The following PHF21B variants were observed in gnomAD, a reference collection of about 807,000 sequenced individuals.
PHF21B encodes PHD finger protein 4.
PHF21B carries 22 observed loss-of-function variants against 62.2 expected under a neutral mutation model. The ratio of observed to expected loss-of-function variants is 0.35; its 90% CI spans 0.25 to 0.51. PHF21B has a LOEUF of 0.51. Ranked by LOEUF, PHF21B falls within the 20% of genes least tolerant of loss-of-function variation. PHF21B has a pLI of 0.97. For synonymous variants in PHF21B, 341 were observed against 314.7 expected (o/e 1.08, Z -0.88); for missense variants, 701 against 707.9 (o/e 0.99, Z 0.11).
chr22:44,991,620 A>G (rs1163550454), intron 2 of PHF21B, among the ~76,000 whole-genome samples: 1 of 152,178 alleles, frequency 6.6e-6, no homozygotes, highest in African/African-American at 2.4e-5. Flanking sequence ...ATGGAGGGGC[A>G]GTCCCTTACA....
intron 2 of PHF21B, among the ~76,000 whole-genome samples, chr22:44,999,232 C>T (rs192910574): frequency 1.2e-4 from 18 of 152,190 alleles, no homozygotes; most frequent in African/African-American, 4.1e-4. Flanking sequence ...AAAGCATATT[C>T]GTTCCTTCAG....
chr22:44,961,321 T>C lies in PHF21B; in HGVS notation c.121-40831A>G, dbSNP rs558828590. ...GGTACAGGTGCAGGTTACATAGGTA[T>C]ACTTCGTGATGCTCAGATATGGGGT... On this transcript the variant is annotated intron_variant, in intron 2 of 12. Transcript: ENST00000313237. Among the ~76,000 whole-genome samples the C allele has an allele frequency of 1.2e-3, 189 of 152,216 alleles. 1 individual carries two copies. The highest frequency in any genetic ancestry group is 4.1e-3 in the South Asian group (20 of 4,822).
chr22:44,932,104 G>A (rs1229807830), intron 2 of PHF21B, among the ~76,000 whole-genome samples: 1 of 152,240 alleles, frequency 6.6e-6, no homozygotes, highest in Non-Finnish European at 1.5e-5. Context: ...GGCAGAGGCT[G>A]GAGGCCTCGA....
intron 2 of PHF21B, among the ~76,000 whole-genome samples, chr22:44,934,357 T>C (rs1250132840): frequency 2.0e-5 from 3 of 152,172 alleles, no homozygotes; most frequent in Non-Finnish European, 4.4e-5. Context: ...AGAGGAGCGA[T>C]GACATCATCA....
At chr22:44,938,152 G>T (rs891019039) in intron 2 of PHF21B, among the ~76,000 whole-genome samples, 2 of 152,236 alleles carry the variant, frequency 1.3e-5, no homozygotes, top group Non-Finnish European at 2.9e-5. Flanking sequence ...TCGGCTCACT[G>T]CAACCTCCAC....
chr22:44,887,449 CG>C (rs1334011885), intron 10 of PHF21B, among the ~76,000 whole-genome samples: 1 of 152,134 alleles, frequency 6.6e-6, no homozygotes, highest in Non-Finnish European at 1.5e-5. Context: ...TGGATGCTGG[CG>C]GAATATCTCA....
intron 5 of PHF21B, among the ~76,000 whole-genome samples, chr22:44,911,657 G>C (rs1448108214): frequency 6.6e-6 from 1 of 152,240 alleles, no homozygotes; most frequent in Non-Finnish European, 1.5e-5. Context: ...GATTTCACAA[G>C]ATGTATGGAA....
At chr22:44,934,350 G>A (rs2147347340) in intron 2 of PHF21B, among the ~76,000 whole-genome samples, 1 of 152,328 alleles carries the variant, frequency 6.6e-6, no homozygotes, top group African/African-American at 2.4e-5. Context: ...GGCACATAGA[G>A]GAGCGATGAC....
intron 10 of PHF21B, among the ~76,000 whole-genome samples, chr22:44,886,926 G>A (rs1009501535): frequency 4.6e-5 from 7 of 152,046 alleles, no homozygotes; most frequent in Non-Finnish European, 5.9e-5. Context: ...AGGTCAAGGC[G>A]GACAGATCAC....
At chr22:44,987,765 CCTCTCTCT>C (rs67730231) in intron 2 of PHF21B, among the ~76,000 whole-genome samples, 3,932 of 146,802 alleles carry the variant, frequency 0.027, 64 homozygotes, top group Non-Finnish European at 0.044. Context: ...TCTCTCGTCT[CCTCTCTCT>C]CTCTCTCTCT....
chr22:44,969,373 A>C (rs1278127231), intron 2 of PHF21B, among the ~76,000 whole-genome samples: 2 of 152,252 alleles, frequency 1.3e-5, no homozygotes, highest in African/African-American at 4.8e-5. Flanking sequence ...CTGCAACTGA[A>C]AAATGGAGCC....
chr22:44,953,240 A>C (rs747975391), intron 2 of PHF21B, among the ~76,000 whole-genome samples: 3 of 152,216 alleles, frequency 2.0e-5, no homozygotes, highest in Non-Finnish European at 4.4e-5. Context: ...GGCAGGATGC[A>C]CTAGCGAGTT....
rs571182858 is a variant in PHF21B at position 44,974,849 on chromosome 22, G to A, written c.120+33696C>T. Among the ~76,000 whole-genome samples the A allele has an allele frequency of 3.3e-4, 51 of 152,320 alleles. 1 individual carries two copies. The highest frequency in any genetic ancestry group is 1.5e-3 in the East Asian group (8 of 5,180). On this transcript the variant is annotated intron_variant, in intron 2 of 12. Transcript: ENST00000313237. ...CAACCAATTTGTTTCAATGAATAGCGTAATATTCTCTGTTATTGAAAATTC... is the reference window on the plus strand; with the variant it reads ...CAACCAATTTGTTTCAATGAATAGCATAATATTCTCTGTTATTGAAAATTC...
chr22:44,959,099 G>T (rs1039750226), intron 2 of PHF21B, among the ~76,000 whole-genome samples: 8 of 152,046 alleles, frequency 5.3e-5, no homozygotes, highest in Non-Finnish European at 1.0e-4. Flanking sequence ...TTCCTGCATG[G>T]CCTCCTCTCC....
intron 5 of PHF21B, among the ~76,000 whole-genome samples, chr22:44,898,737 A>C (rs1357041692): frequency 6.6e-6 from 1 of 152,170 alleles, no homozygotes; most frequent in East Asian, 1.9e-4. Context: ...AGAGGAGCTG[A>C]GGTAATAAAA....
chr22:44,914,239 C>T (rs1010806395), intron 4 of PHF21B, 151 bp from the exon 5 acceptor site: 8 of 561,570 alleles, frequency 1.4e-5, no homozygotes, highest in Admixed American at 3.2e-5. Context: ...GGGTGGTTTG[C>T]GCCCCTGTCT....
At chr22:44,886,368 A>G (rs1472353031) in intron 10 of PHF21B, among the ~76,000 whole-genome samples, 1 of 147,194 alleles carries the variant, frequency 6.8e-6, no homozygotes, top group Non-Finnish European at 1.5e-5. Context: ...GACAAAAAAG[A>G]AAGAAGAAAA....
At chr22:44,914,535 C>T (rs1374334091) in intron 4 of PHF21B, among the ~76,000 whole-genome samples, 1 of 152,242 alleles carries the variant, frequency 6.6e-6, no homozygotes. Flanking sequence ...TTGCTCCTGG[C>T]CTGAGGCCAT....
intron 5 of PHF21B, among the ~76,000 whole-genome samples, chr22:44,900,544 AC>A (rs2071139611): frequency 1.3e-5 from 2 of 151,904 alleles, no homozygotes; most frequent in Non-Finnish European, 1.5e-5. Context: ...CAAGTGATCC[AC>A]CCGCCTCGGC....
Sources: allele counts gnomAD v4.1 joint callset (sites outside exome capture counted in the v4.1 genomes callset), GRCh38; gene constraint gnomAD v4.1.1; transcripts MANE v1.5; gene names NCBI Gene and HGNC (gene_info 2026-07-23, HGNC 2026-07-21).